PRDM6: variants seen among roughly 807,000 people sequenced by gnomAD.
PRDM6 encodes the protein putative histone-lysine N-methyltransferase PRDM6.
Under a neutral mutation model 60.8 loss-of-function variants are expected in PRDM6, and 25 were observed. That is an observed-to-expected ratio of 0.41 (90% CI 0.30 to 0.57). The LOEUF (loss-of-function observed/expected upper bound fraction) is 0.57, where lower values mean the gene tolerates loss of function less well. Among genes scored for constraint, PRDM6 ranks in the 20% least tolerant of loss-of-function variants. The probability of loss-of-function intolerance (pLI) is 0.27; values close to 1 mark genes in which losing one functional copy is unlikely to be tolerated. For synonymous variants in PRDM6, 407 were observed against 357.4 expected, an observed-to-expected ratio of 1.14 and a Z score of -1.57; for missense variants, 839 against 821.3, an observed-to-expected ratio of 1.02 and a Z score of -0.26.
intron 3 of PRDM6, among the ~76,000 whole-genome samples, chr5:123,130,964 A>C (rs897964258): frequency 6.6e-6 from 1 of 152,236 alleles, no homozygotes; most frequent in African/African-American, 2.4e-5. Context: ...GATAGCCAAT[A>C]AACAGTTACT....
At chr5:123,138,366 TG>T (rs1765016682) in intron 3 of PRDM6, among the ~76,000 whole-genome samples, 2 of 152,238 alleles carry the variant, frequency 1.3e-5, no homozygotes, top group South Asian at 4.1e-4. Context: ...ATGTCAGGAA[TG>T]GTTCTGATAG....
At chr5:123,110,243 G>C (rs949403295) in intron 3 of PRDM6, among the ~76,000 whole-genome samples, 10 of 149,374 alleles carry the variant, frequency 6.7e-5, no homozygotes, top group African/African-American at 2.5e-4. Context: ...TATTTTTCCT[G>C]ATATATATTT....
At chr5:123,116,045 GCTGA>G (rs1179258529) in intron 3 of PRDM6, among the ~76,000 whole-genome samples, 3 of 152,092 alleles carry the variant, frequency 2.0e-5, no homozygotes, top group Non-Finnish European at 2.9e-5. Context: ...ATCACAACTG[GCTGA>G]CTGTTTTGTT....
intron 3 of PRDM6, among the ~76,000 whole-genome samples, chr5:123,126,423 A>G (rs1219590288): frequency 6.6e-6 from 1 of 150,996 alleles, no homozygotes; most frequent in East Asian, 1.9e-4. Flanking sequence ...TTAATATAGC[A>G]TCTCCTTAAT....
chr5:123,193,398 C>G lies in PRDM6; in HGVS notation c.*6197C>G, dbSNP rs1320282871. 1 of 152,178 alleles carries G rather than the reference C, an allele frequency of 6.6e-6. No individual in the cohort carries two copies. Among genetic ancestry groups the G allele is most frequent in the Non-Finnish European group, 1.5e-5 (1 of 68,034 alleles). The allele number at this position is 152,178 out of a possible 1,614,324, so 9.4% of individuals were successfully genotyped here. On this transcript the variant is annotated 3_prime_UTR_variant, in exon 8 of 8. Transcript: ENST00000407847. ...GTTGGGGAAAGCAGCCATCTTAGAG[C>G]AAAAGTCTGCCAACCCACAGTCCCT...
chr5:123,154,913 G>A (rs1340224699), intron 3 of PRDM6, among the ~76,000 whole-genome samples: 1 of 152,090 alleles, frequency 6.6e-6, no homozygotes, highest in African/African-American at 2.4e-5. Flanking sequence ...CCCAGGACTG[G>A]GAGTGACTTT....
In PRDM6 at chr5:123,148,993, TTGC is replaced by T. The variant is rs138303174; in HGVS notation, c.901-6890_901-6888del. On this transcript the variant is annotated intron_variant, in intron 3 of 7. Transcript: ENST00000407847. ...AACAGAATAATATTCTCAGCTTCTC[TTGC>T]AGGTCAGTTATACAGATAAATAAGT... Among the ~76,000 whole-genome samples, 957 of 152,352 alleles carry T rather than the reference TTGC, an allele frequency of 6.3e-3. 11 individuals are homozygous for T. Among genetic ancestry groups the T allele is most frequent in the African/African-American group, 0.022 (915 of 41,582 alleles).
At chr5:123,167,307 C>A (rs186601546) in intron 5 of PRDM6, among the ~76,000 whole-genome samples, 1 of 152,036 alleles carries the variant, frequency 6.6e-6, no homozygotes, top group Non-Finnish European at 1.5e-5. Flanking sequence ...TTCATCCCTA[C>A]TCCCCTGTCA....
At chr5:123,123,079 T>C (rs977010929) in intron 3 of PRDM6, among the ~76,000 whole-genome samples, 1 of 152,238 alleles carries the variant, frequency 6.6e-6, no homozygotes, top group Non-Finnish European at 1.5e-5. Context: ...ACTTATATAT[T>C]TTAAAAGCTT....
chr5:123,090,697 G>A, intron 2 of PRDM6, 91 bp downstream of exon 2: 1 of 430,912 alleles, frequency 2.3e-6, no homozygotes. Flanking sequence ...GGTCGGATAG[G>A]AGTGACACGG....
intron 2 of PRDM6, among the ~76,000 whole-genome samples, chr5:123,091,338 GCAAA>G (rs1223427433): frequency 3.9e-5 from 6 of 152,322 alleles, no homozygotes; most frequent in South Asian, 2.1e-4. Context: ...CTTTGACCCC[GCAAA>G]CATTCATAAC....
chr5:123,116,766 G>A (rs138644393), intron 3 of PRDM6, among the ~76,000 whole-genome samples: 149 of 152,312 alleles, frequency 9.8e-4, no homozygotes, highest in African/African-American at 3.2e-3. Context: ...GTGAAAAAAT[G>A]ACTTCAAAAG....
chr5:123,173,718 AG>A (rs1384647386), intron 6 of PRDM6, among the ~76,000 whole-genome samples: 3 of 152,214 alleles, frequency 2.0e-5, no homozygotes, highest in Admixed American at 6.5e-5. Flanking sequence ...ATCACATCTG[AG>A]TTGATTGTTG....
At position 123,089,298 on chromosome 5, in the gene PRDM6, G is replaced by T. The variant is rs552432193; in HGVS notation, c.-237G>T. Reference sequence around the variant, plus strand: ...GCAGCGGCCAAGCGCAGCAGCCCACGGCGGTTGAGTCGGGCGCCCAGGTCC... The same window carrying T: ...GCAGCGGCCAAGCGCAGCAGCCCACTGCGGTTGAGTCGGGCGCCCAGGTCC... On this transcript the variant is annotated 5_prime_UTR_variant, in exon 1 of 8. Transcript: ENST00000407847. 14 of 152,918 alleles carry T rather than the reference G, an allele frequency of 9.2e-5. No individual in the cohort carries two copies. Among genetic ancestry groups the T allele is most frequent in the African/African-American group, 3.1e-4 (13 of 41,544 alleles). 9.5% of individuals were successfully genotyped at this position (152,918 alleles called of 1,614,324 possible).
chr5:123,179,844 T>A (rs967456451), intron 6 of PRDM6, among the ~76,000 whole-genome samples: 3 of 152,174 alleles, frequency 2.0e-5, no homozygotes, highest in African/African-American at 7.2e-5. Flanking sequence ...CTTTCCCTAC[T>A]TACAAAAGTA....
intron 2 of PRDM6, among the ~76,000 whole-genome samples, chr5:123,093,567 T>TTTGCTG (rs1206612793): frequency 2.0e-5 from 3 of 152,358 alleles, no homozygotes; most frequent in South Asian, 2.1e-4. Context: ...CTCTGAATGC[T>TTTGCTG]TTGCTGTTGC....
At chr5:123,111,434 C>T in intron 3 of PRDM6, among the ~76,000 whole-genome samples, 1 of 152,210 alleles carries the variant, frequency 6.6e-6, no homozygotes. Flanking sequence ...CGCGGTGGCT[C>T]ACGTCTGTAA....
chr5:123,177,145 T>A (rs1490682808), intron 6 of PRDM6, among the ~76,000 whole-genome samples: 1 of 152,244 alleles, frequency 6.6e-6, no homozygotes, highest in Admixed American at 6.5e-5. Flanking sequence ...CCTGAAGATT[T>A]AATTTTTGAA....
intron 3 of PRDM6, among the ~76,000 whole-genome samples, chr5:123,100,766 C>T (rs1764083867): frequency 1.3e-5 from 2 of 152,156 alleles, no homozygotes; most frequent in African/African-American, 4.8e-5. Context: ...AAAATGTCAG[C>T]CTGAGGTTTC....
Sources: allele counts gnomAD v4.1 joint callset (sites outside exome capture counted in the v4.1 genomes callset), GRCh38; gene constraint gnomAD v4.1.1; transcripts MANE v1.5; gene names NCBI Gene and HGNC (gene_info 2026-07-23, HGNC 2026-07-21).